CAPN15: variants seen among roughly 807,000 people sequenced by gnomAD.
CAPN15 encodes the protein calpain 15.
In CAPN15, 53 loss-of-function variants were observed where a neutral mutation model predicts 97.9. The ratio of observed to expected loss-of-function variants is 0.54; its 90% CI spans 0.43 to 0.68. CAPN15 has a LOEUF of 0.68. Ranked by LOEUF, CAPN15 falls within the 30% of genes least tolerant of loss-of-function variation. CAPN15 has a pLI of 0.00. For synonymous variants in CAPN15, 922 were observed against 722.5 expected, an observed-to-expected ratio of 1.28 and a Z score of -4.43; for missense variants, 1,592 against 1,589.8, an observed-to-expected ratio of 1.00 and a Z score of -0.02.
Position 536,159 on chromosome 16 carries a change from A to G in CAPN15, c.-23+17A>G. 1 of 854,158 alleles carries G rather than the reference A, an allele frequency of 1.2e-6. No individual in the cohort carries two copies. Among genetic ancestry groups the G allele is most frequent in the Non-Finnish European group, 1.4e-6 (1 of 710,090 alleles). 52.9% of individuals were successfully genotyped at this position (854,158 alleles called of 1,614,324 possible). A position where few individuals can be genotyped will look rare whatever the true frequency, so the allele number is the denominator to read the frequency against. On this transcript the variant is annotated intron_variant, in intron 3 of 13. Transcript: ENST00000219611. Reference sequence around the variant, plus strand: ...GAGTGGCAGGTGAGCGTTCCTCCCAAGAGCCTCTGGCTGGCCGCAGCAGGC... The same window carrying G: ...GAGTGGCAGGTGAGCGTTCCTCCCAGGAGCCTCTGGCTGGCCGCAGCAGGC...
chr16:533,569 C>T (rs1027672285), intron 1 of CAPN15, among the ~76,000 whole-genome samples: 1 of 152,208 alleles, frequency 6.6e-6, no homozygotes, highest in African/African-American at 2.4e-5. Context: ...TGCTGCTCTG[C>T]AGCCCCGCTC....
chr16:547,691 C>T lies in CAPN15; in HGVS notation c.853C>T (p.Arg285Cys), dbSNP rs767135597. ...PQGSGWAGAS[R>C]LAELLSGKRL... ...GGGCTCGGGCTGGGCTGGGGCCTCC[C>T]GCCTAGCAGAGTTGCTGTCTGGCAA... The change falls in exon 4 of 14, where the codon CGC becomes TGC. Residue 285 changes from arginine to cysteine, a missense_variant. Around this residue, in one of 3 missense-constraint regions of CAPN15, gnomAD observed 883 missense variants for 776.6 expected, o/e 1.14. Transcript: ENST00000219611. The T allele has an allele frequency of 2.4e-5, 39 of 1,592,850 alleles. No homozygotes were observed. Among genetic ancestry groups the T allele is most frequent in the Admixed American group, 1.5e-4 (9 of 59,056 alleles).
At chr16:539,489 C>T (rs2033962080) in intron 3 of CAPN15, 1 of 152,314 alleles carries the variant, frequency 6.6e-6, no homozygotes, top group Admixed American at 6.5e-5. Context: ...GTCAGAGGCC[C>T]TGGACAGCCT....
rs375183471 is a variant in CAPN15 at position 551,170 on chromosome 16, G to GC, written c.2067-132_2067-131insC. On this transcript the variant is annotated intron_variant, in intron 7 of 13. Coordinates refer to ENST00000219611, the MANE Select transcript of CAPN15 (RefSeq NM_005632.3). Reference sequence around the variant, plus strand: ...CGGTGAGGGCGCCCCGTCGGTGAGGGTCCCGGTCGGTGAGGGCCCCGGTCG... The same window carrying GC: ...CGGTGAGGGCGCCCCGTCGGTGAGGGCTCCCGGTCGGTGAGGGCCCCGGTCG... 39 of 1,396,924 alleles carry GC rather than the reference G, an allele frequency of 2.8e-5. 2 individuals carry two copies. The African/African-American group carries it at 3.0e-4, about 11-fold the overall frequency. The allele number at this position is 1,396,924 out of a possible 1,614,324, so 86.5% of individuals were successfully genotyped here. A position where few individuals can be genotyped will look rare whatever the true frequency, so the allele number is the denominator to read the frequency against.
chr16:550,920 AG>A (rs2034989313), intron 7 of CAPN15, among the ~76,000 whole-genome samples: 1 of 84,320 alleles, frequency 1.2e-5, no homozygotes, highest in Non-Finnish European at 2.0e-5. Flanking sequence ...CCGGTCAGTG[AG>A]GGTCCCCTTT....
intron 3 of CAPN15, chr16:537,015 G>A (rs1043609994): frequency 2.1e-6 from 1 of 467,218 alleles, no homozygotes; most frequent in East Asian, 1.5e-4. Flanking sequence ...AGCGGATCGG[G>A]GCGGTTCAGC....
At chr16:536,767 C>G (rs1171785282) in intron 3 of CAPN15, 1 of 152,356 alleles carries the variant, frequency 6.6e-6, no homozygotes, top group African/African-American at 2.4e-5. Flanking sequence ...TAGCATCTGT[C>G]CATCATGAGT....
intron 3 of CAPN15, among the ~76,000 whole-genome samples, chr16:542,984 G>A (rs550706565): frequency 5.2e-4 from 78 of 150,318 alleles, no homozygotes; most frequent in Admixed American, 3.3e-3. Context: ...TTGGGAGGCG[G>A]AGGTTGCAGT....
chr16:548,059 C>T lies in CAPN15; in HGVS notation c.1221C>T (p.Arg407=), dbSNP rs755793890. The part of the protein sequence containing the change: ...GRVSSAQKAA[R]VLPERPGQWA... ...TGTCCTCGGCCCAGAAGGCCGCCCG[C>T]GTCCTGCCCGAGCGCCCGGGCCAGT... The change falls in exon 4 of 14, where the codon CGC becomes CGT. Residue 407 remains arginine (R), a synonymous_variant. Transcript: ENST00000219611. 9.7e-6 allele frequency: 15 copies of T among 1,547,914 alleles called. No homozygotes were observed. In the Admixed American group the frequency reaches 1.3e-4, roughly 14 times the overall value.
At chr16:536,210 C>G (rs1039297850) in intron 3 of CAPN15, 68 bp downstream of exon 3, 2 of 381,208 alleles carry the variant, frequency 5.2e-6, no homozygotes, top group East Asian at 1.6e-4. Flanking sequence ...CTCAGTGGCC[C>G]TGGACATGAT....
chr16:554,349 G>A lies in CAPN15; in HGVS notation c.*833G>A, dbSNP rs559306885. 7.3e-5 allele frequency: 27 copies of A among 372,276 alleles called. No homozygotes were observed. Among genetic ancestry groups the A allele is most frequent in the Non-Finnish European group, 1.1e-4 (21 of 188,874 alleles). The allele number at this position is 372,276 out of a possible 1,614,324, so 23.1% of individuals were successfully genotyped here. On this transcript the variant is annotated 3_prime_UTR_variant, in exon 14 of 14. Coordinates refer to ENST00000219611, the MANE Select transcript of CAPN15 (RefSeq NM_005632.3). Reference sequence around the variant, plus strand: ...TGGACGTCTGAGCCCAGCTTTCTGCGTGCCCTCCTGGCCCCTCACTCCCGG... The same window carrying A: ...TGGACGTCTGAGCCCAGCTTTCTGCATGCCCTCCTGGCCCCTCACTCCCGG...
At position 548,254 on chromosome 16, in the gene CAPN15, A is replaced by G. The variant is rs987876896; in HGVS notation, c.1416A>G (p.Ala472=). The G allele has an allele frequency of 1.3e-6, 2 of 1,540,700 alleles. No homozygotes were observed. The highest frequency in any genetic ancestry group is 4.2e-5 in the Admixed American group (2 of 47,696). ...AGACAGACGAGGGCGAGGCCAAGGC[A>G]CTCTGGGAGAACATCGTGGCCTTCT... ...RRQTDEGEAK[A]LWENIVAFCR... The change falls in exon 4 of 14, where the codon GCA becomes GCG. Residue 472 remains alanine, a synonymous_variant. Coordinates refer to ENST00000219611, the MANE Select transcript of CAPN15 (RefSeq NM_005632.3).
At chr16:548,391 G>A (rs1390454848) in intron 4 of CAPN15, 104 bp downstream of exon 4, 1 of 1,175,114 alleles carries the variant, frequency 8.5e-7, no homozygotes, top group African/African-American at 1.6e-5. Flanking sequence ...AGCCCACAAG[G>A]CCTAAGACGT....
At chr16:543,989 CAT>C (rs2034346863) in intron 3 of CAPN15, among the ~76,000 whole-genome samples, 1 of 152,184 alleles carries the variant, frequency 6.6e-6, no homozygotes, top group Non-Finnish European at 1.5e-5. Flanking sequence ...GCCATGCGGC[CAT>C]GCGGCCGGCG....
chr16:544,893 C>A (rs1339532404), intron 3 of CAPN15, among the ~76,000 whole-genome samples: 23 of 131,522 alleles, frequency 1.7e-4, no homozygotes, highest in Non-Finnish European at 3.6e-4. Flanking sequence ...CGTCTCCCCC[C>A]ACGTCGTCGT....
At position 552,571 on chromosome 16, in the gene CAPN15, G is replaced by A. The variant is rs758223865; in HGVS notation, c.2738-34G>A. The A allele has an allele frequency of 6.4e-7, 1 of 1,562,520 alleles. No individual in the cohort carries two copies. The highest frequency in any genetic ancestry group is 1.8e-5 in the Admixed American group (1 of 55,002). The stretch of plus-strand genomic sequence containing the variant: ...CCCAGGCTCATGCCCCAGGCCCACG[G>A]GGAGGGCTGCGGTTCACACGCCCGT... On this transcript the variant is annotated intron_variant, in intron 11 of 13. Coordinates refer to ENST00000219611, the MANE Select transcript of CAPN15 (RefSeq NM_005632.3). This position sits in a 1 kb window ranked among gnomAD's most constrained non-coding sequence, Gnocchi z 6.4.
In CAPN15 at chr16:547,573, G is replaced by A. The variant is rs780727918; in HGVS notation, c.735G>A (p.Pro245=). 2.8e-5 allele frequency: 44 copies of A among 1,585,204 alleles called. No homozygotes were observed. Among genetic ancestry groups the A allele is most frequent in the Admixed American group, 1.0e-4 (6 of 59,180 alleles). ...FSSTLQNNPV[P]RSRREVPPQL... ...CCACCCTGCAGAACAACCCCGTGCC[G>A]CGCAGCCGACGCGAGGTTCCCCCCC... The change falls in exon 4 of 14, where the codon CCG becomes CCA. Residue 245 remains proline (P), a synonymous_variant. Transcript: ENST00000219611.
At position 553,919 on chromosome 16, in the gene CAPN15, A is replaced by G. The variant is rs371405763; in HGVS notation, c.*403A>G. ...GAGGCCAAGACCCTGGGGTGGGATC[A>G]GGGACCACCCCTCACGGGGCATAAG... On this transcript the variant is annotated 3_prime_UTR_variant, in exon 14 of 14. Coordinates refer to ENST00000219611, the MANE Select transcript of CAPN15 (RefSeq NM_005632.3). 65 of 195,580 alleles carry G rather than the reference A, an allele frequency of 3.3e-4. No individual in the cohort carries two copies. The highest frequency in any genetic ancestry group is 1.5e-3 in the African/African-American group (62 of 42,584). The allele number at this position is 195,580 out of a possible 1,614,324, so 12.1% of individuals were successfully genotyped here.
intron 3 of CAPN15, chr16:539,109 G>T (rs1393336078): frequency 6.6e-6 from 1 of 152,368 alleles, no homozygotes; most frequent in Non-Finnish European, 1.5e-5. Flanking sequence ...TGTTGCCCAG[G>T]CTGGTCTCAA....
Sources: gnomAD v4.1 joint callset for allele counts (sites outside exome capture counted in the v4.1 genomes callset) on GRCh38, gnomAD v4.1.1 for gene constraint, gnomAD v4.1.1 regional missense constraint, Gnocchi (gnomAD v3.1) non-coding constraint, MANE v1.5 for transcripts, NCBI Gene and HGNC (gene_info 2026-07-23, HGNC 2026-07-21) for gene names.